Variants in TLN2 observed in about 807,000 individuals in gnomAD.
TLN2 encodes the protein talin-2.
TLN2 carries 118 observed loss-of-function variants against 294.7 expected under a neutral mutation model. That is an observed-to-expected ratio of 0.40 (90% CI 0.34 to 0.47). The LOEUF (loss-of-function observed/expected upper bound fraction) is 0.47, where lower values mean the gene tolerates loss of function less well. Among genes scored for constraint, TLN2 ranks in the 20% least tolerant of loss-of-function variants. The pLI is 0.84. For synonymous variants in TLN2, 1,431 were observed against 1,304.5 expected, an observed-to-expected ratio of 1.10 and a Z score of -2.09; for missense variants, 3,083 against 3,282.2, an observed-to-expected ratio of 0.94 and a Z score of 1.48.
At chr15:62,408,084 A>G (rs993809220) in intron 1 of TLN2, among the ~76,000 whole-genome samples, 22 of 152,116 alleles carry the variant, frequency 1.4e-4, no homozygotes, top group Admixed American at 4.6e-4. Flanking sequence ...TGCCCACACC[A>G]TGCTAATTGT....
intron 1 of TLN2, among the ~76,000 whole-genome samples, chr15:62,500,286 T>C (rs2039240334): frequency 1.3e-5 from 2 of 152,122 alleles, no homozygotes; most frequent in Non-Finnish European, 2.9e-5. Flanking sequence ...TGCAGTGAGC[T>C]GGGATTGCAC....
chr15:62,496,087 T>C (rs1386272930), intron 1 of TLN2, among the ~76,000 whole-genome samples: 1 of 152,170 alleles, frequency 6.6e-6, no homozygotes, highest in African/African-American at 2.4e-5. Context: ...AGGGTCAGGG[T>C]GGATTCTACG....
chr15:62,643,958 C>T lies in TLN2; in HGVS notation c.-36-3317C>T, dbSNP rs886745971. ...GTGGAAACCATGTCTATGTAGATAACTTCCCTATGGAGTTTACAGCAACCA... is the reference window on the plus strand; with the variant it reads ...GTGGAAACCATGTCTATGTAGATAATTTCCCTATGGAGTTTACAGCAACCA... On this transcript the variant is annotated intron_variant, in intron 3 of 58. Transcript: ENST00000636159. Among the ~76,000 whole-genome samples the T allele has an allele frequency of 2.6e-5, 4 of 152,270 alleles. No individual in the cohort carries two copies. In the South Asian group the frequency reaches 8.3e-4, roughly 32 times the overall value.
chr15:62,418,560 C>T (rs548161822), intron 1 of TLN2, among the ~76,000 whole-genome samples: 1 of 152,112 alleles, frequency 6.6e-6, no homozygotes, highest in South Asian at 2.1e-4. Context: ...CTCACGTGTC[C>T]GTATGAAGAG....
intron 1 of TLN2, among the ~76,000 whole-genome samples, chr15:62,531,119 C>T (rs1400371774): frequency 6.6e-6 from 1 of 152,174 alleles, no homozygotes; most frequent in African/African-American, 2.4e-5. Context: ...ATGGAGATCT[C>T]TACTCTCATG....
At chr15:62,641,795 C>T (rs1033672240) in intron 3 of TLN2, among the ~76,000 whole-genome samples, 4 of 152,190 alleles carry the variant, frequency 2.6e-5, no homozygotes, top group Non-Finnish European at 5.9e-5. Context: ...TCAAGTCACG[C>T]AGCTGGTAAG....
intron 3 of TLN2, among the ~76,000 whole-genome samples, chr15:62,632,545 TA>T (rs1449018939): frequency 3.3e-5 from 5 of 152,214 alleles, no homozygotes; most frequent in Non-Finnish European, 7.3e-5. Flanking sequence ...GCAGCTGATC[TA>T]CTACATGGCA....
intron 28 of TLN2, among the ~76,000 whole-genome samples, chr15:62,732,226 A>G (rs1196711867): frequency 1.3e-5 from 2 of 152,074 alleles, no homozygotes; most frequent in Admixed American, 6.5e-5. Flanking sequence ...CATATTTAGT[A>G]GAGAAAAGAC....
At chr15:62,566,099 CTG>C (rs2043368973) in intron 1 of TLN2, among the ~76,000 whole-genome samples, 1 of 151,992 alleles carries the variant, frequency 6.6e-6, no homozygotes, top group Admixed American at 6.6e-5. Flanking sequence ...AAGGAAATGA[CTG>C]AGATAAAGCA....
intron 40 of TLN2, among the ~76,000 whole-genome samples, chr15:62,764,826 G>C (rs1441292379): frequency 6.6e-6 from 1 of 152,020 alleles, no homozygotes; most frequent in Admixed American, 6.6e-5. Context: ...AATTAGCCGA[G>C]CATGGTGGCG....
intron 1 of TLN2, among the ~76,000 whole-genome samples, chr15:62,421,948 G>A (rs2034426934): frequency 6.6e-6 from 1 of 151,980 alleles, no homozygotes; most frequent in African/African-American, 2.4e-5. Context: ...AGATTTTAGG[G>A]AATCATTCTT....
chr15:62,563,056 G>A (rs1255818753), intron 1 of TLN2, among the ~76,000 whole-genome samples: 1 of 151,800 alleles, frequency 6.6e-6, no homozygotes, highest in African/African-American at 2.4e-5. Flanking sequence ...CTATAAACAT[G>A]CATGTATAAG....
rs368812608 is a variant in TLN2 at position 62,819,479 on chromosome 15, A to G, written c.6772-37A>G. ...CTTCTTTCCTGTCCCAGTGGTTACT[A>G]TCCCCCTCATGCCTCTGACTTGTTC... is the stretch of plus-strand genomic sequence containing the variant. On this transcript the variant is annotated intron_variant, in intron 52 of 58. Transcript: ENST00000636159. 83 of 1,495,302 alleles carry G rather than the reference A, an allele frequency of 5.6e-5. 1 individual carries two copies. The highest frequency in any genetic ancestry group is 2.9e-4 in the African/African-American group (21 of 72,532). 92.6% of individuals were successfully genotyped at this position (1,495,302 alleles called of 1,614,324 possible).
rs1476376886 is a variant in TLN2 at position 62,761,831 on chromosome 15, G to A, written c.4779+10G>A. The A allele has an allele frequency of 1.2e-6, 2 of 1,613,832 alleles. No homozygotes were observed. The highest frequency in any genetic ancestry group is 2.2e-5 in the East Asian group (1 of 44,884). On this transcript the variant is annotated intron_variant, in intron 38 of 58. Transcript: ENST00000636159. Reference sequence around the variant, plus strand: ...CCAGATCAGCTCCGAGGTAGGGAGTGTTTACAGGAACATCATACTAAGGTC... The same window carrying A: ...CCAGATCAGCTCCGAGGTAGGGAGTATTTACAGGAACATCATACTAAGGTC...
intron 1 of TLN2, among the ~76,000 whole-genome samples, chr15:62,558,198 A>T (rs551318235): frequency 6.6e-6 from 1 of 152,336 alleles, no homozygotes; most frequent in South Asian, 2.1e-4. Context: ...TTGTATCTCA[A>T]CTCAATTTTG....
chr15:62,701,018 A>G (rs2058685736), intron 16 of TLN2, 88 bp from the exon 17 acceptor site: 1 of 1,177,408 alleles, frequency 8.5e-7, no homozygotes, highest in African/African-American at 1.5e-5. Context: ...TGTAGCCAAA[A>G]TGCTGGTGTG....
rs188441766 is a variant in TLN2 at position 62,542,260 on chromosome 15, C to T, written c.-237-47427C>T. On this transcript the variant is annotated intron_variant, in intron 1 of 58. Coordinates refer to ENST00000636159, the MANE Select transcript of TLN2 (RefSeq NM_015059.3). The stretch of plus-strand genomic sequence containing the variant: ...AGGCTGGAGTGCAGTGGCAGGATCT[C>T]GGCTCACTGCAAGCTGCACCTCCCG... Among the ~76,000 whole-genome samples, 513 of 152,158 alleles carry T rather than the reference C, an allele frequency of 3.4e-3. 4 individuals carry two copies. Among genetic ancestry groups the T allele is most frequent in the African/African-American group, 0.011 (452 of 41,514 alleles).
intron 9 of TLN2, among the ~76,000 whole-genome samples, chr15:62,667,353 A>G (rs1221108140): frequency 2.0e-5 from 3 of 152,174 alleles, no homozygotes; most frequent in African/African-American, 7.2e-5. Context: ...CAGATTTGAC[A>G]TGTTGTTGTT....
chr15:62,492,671 C>T (rs1377771527), intron 1 of TLN2, among the ~76,000 whole-genome samples: 2 of 151,554 alleles, frequency 1.3e-5, no homozygotes, highest in Non-Finnish European at 2.9e-5. Flanking sequence ...TTTTTCAACG[C>T]ATTTCCCCCC....
Sources: allele counts gnomAD v4.1 joint callset (sites outside exome capture counted in the v4.1 genomes callset), GRCh38; gene constraint gnomAD v4.1.1; transcripts MANE v1.5; gene names NCBI Gene and HGNC (gene_info 2026-07-23, HGNC 2026-07-21).